The following ATIC variants were observed in gnomAD, a reference collection of about 807,000 sequenced individuals.
ATIC encodes the protein 5-aminoimidazole-4-carboxamide ribonucleotide formyltransferase/IMP cyclohydrolase, also known as bifunctional purine biosynthesis protein ATIC.
ATIC carries 64 observed loss-of-function variants against 72.5 expected under a neutral mutation model. The ratio of observed to expected loss-of-function variants is 0.88; its 90% CI spans 0.72 to 1.09. ATIC has a LOEUF of 1.09. Among genes scored for constraint, ATIC ranks in the 50% least tolerant of loss-of-function variants. The pLI is 0.00. For missense variants in ATIC, 787 were observed against 732.4 expected (o/e 1.07, Z -0.86); for synonymous variants, 281 against 267.1 (o/e 1.05, Z -0.51).
downstream of ATIC, among the ~76,000 whole-genome samples, chr2:215,353,183 A>G (rs1010763130): frequency 4.6e-5 from 7 of 152,098 alleles, no homozygotes; most frequent in South Asian, 6.2e-4. Flanking sequence ...CGCTCAGCCT[A>G]TTTGTATTCA....
chr2:215,347,302 G>A (rs1428134168), intron 14 of ATIC: 12 of 380,618 alleles, frequency 3.2e-5, no homozygotes, highest in Admixed American at 7.5e-5. Context: ...CTTGCTGTCC[G>A]ATGGGTCTGT....
intron 13 of ATIC, among the ~76,000 whole-genome samples, chr2:215,346,166 A>ATTTT (rs1220942529): frequency 6.6e-6 from 1 of 151,782 alleles, no homozygotes; most frequent in Non-Finnish European, 1.5e-5. Context: ...TTATTTATTT[A>ATTTT]TTTATTTTTT....
At chr2:215,366,465 TAAAAC>T in the ATIC span, among the ~76,000 whole-genome samples, 13 of 152,022 alleles carry the variant, frequency 8.6e-5, no homozygotes, top group African/African-American at 3.1e-4. Flanking sequence ...CCGGATAAAA[TAAAAC>T]AAAAGCAAAC....
In ATIC at chr2:215,313,375, A is replaced by G. The variant is rs559699579; in HGVS notation, c.146+751A>G. On this transcript the variant is annotated intron_variant, in intron 2 of 15. Transcript: ENST00000236959. Reference sequence around the variant, plus strand: ...GTGCAAATCATTCATTCCCACGTTCACAAGCCCTTCATTAGCTGACTAGGC... The same window carrying G: ...GTGCAAATCATTCATTCCCACGTTCGCAAGCCCTTCATTAGCTGACTAGGC... Among the ~76,000 whole-genome samples the G allele has an allele frequency of 2.0e-5, 3 of 152,308 alleles. No homozygotes were observed. In the South Asian group the frequency reaches 6.2e-4, roughly 32 times the overall value.
At chr2:215,365,810 T>TA in the ATIC span, 1,702 of 210,272 alleles carry the variant, frequency 8.1e-3, 6 homozygotes, top group African/African-American at 0.022. Flanking sequence ...CTTTTTATTT[T>TA]TTTTTTTTTT....
downstream of ATIC, among the ~76,000 whole-genome samples, chr2:215,354,103 C>A (rs1244826612): frequency 6.6e-6 from 1 of 152,032 alleles, no homozygotes; most frequent in South Asian, 2.1e-4. Flanking sequence ...TCTCCACTCA[C>A]CACAGCCTCT....
chr2:215,364,992 A>G, the ATIC span: 2 of 1,530,878 alleles, frequency 1.3e-6, no homozygotes, highest in East Asian at 2.3e-5. Flanking sequence ...TCATCTGCAT[A>G]TAGACACAAG....
Position 215,325,989 on chromosome 2 carries a change from G to T in ATIC, c.382G>T (p.Gly128Ter). 1 of 1,614,076 alleles carries T rather than the reference G, an allele frequency of 6.2e-7. No homozygotes were observed. The highest frequency in any genetic ancestry group is 1.1e-5 in the South Asian group (1 of 91,070). Residue 128 changes from glycine to a stop codon, truncating the protein, a stop_gained and splice_region_variant, in exon 6 of 16, where the codon GGA becomes TGA. Transcript: ENST00000236959. LOFTEE classifies it high-confidence loss of function. Reference protein sequence around the residue: ...EEAVEQIDIGGVTLLRAAAKN... With the variant: ...EEAVEQIDIG Reference sequence around the variant, plus strand: ...AATAAGTCTTTTGTTCTTCAAAGGTGGAGTAACCTTACTGAGAGCTGCAGC... The same window carrying T: ...AATAAGTCTTTTGTTCTTCAAAGGTTGAGTAACCTTACTGAGAGCTGCAGC...
chr2:215,317,077 T>A (rs899731657), intron 2 of ATIC, among the ~76,000 whole-genome samples: 12 of 152,166 alleles, frequency 7.9e-5, no homozygotes, highest in Admixed American at 6.5e-4. Flanking sequence ...CTTTATTTTT[T>A]CTTATATATT....
At chr2:215,350,996 A>G (rs2053126533), downstream of ATIC, among the ~76,000 whole-genome samples, 1 of 152,238 alleles carries the variant, frequency 6.6e-6, no homozygotes, top group African/African-American at 2.4e-5. Flanking sequence ...ACCTGCCCAC[A>G]TTGAAACAAG....
At chr2:215,358,376 A>G in the ATIC span, among the ~76,000 whole-genome samples, 3 of 151,990 alleles carry the variant, frequency 2.0e-5, no homozygotes, top group African/African-American at 4.8e-5. Flanking sequence ...TGCCTTTTCA[A>G]TCTTGCCCGC....
At chr2:215,319,426 C>G (rs1205206380) in intron 3 of ATIC, among the ~76,000 whole-genome samples, 1 of 151,930 alleles carries the variant, frequency 6.6e-6, no homozygotes, top group Non-Finnish European at 1.5e-5. Flanking sequence ...TCCTGTAGTC[C>G]CAGCTACTTG....
intron 12 of ATIC, among the ~76,000 whole-genome samples, chr2:215,343,769 A>G (rs987102294): frequency 1.3e-5 from 2 of 152,218 alleles, no homozygotes; most frequent in African/African-American, 2.4e-5. Flanking sequence ...TTACAGAGGA[A>G]AAGTTCTTAA....
At chr2:215,341,789 G>A (rs1211295142) in intron 12 of ATIC, among the ~76,000 whole-genome samples, 5 of 152,052 alleles carry the variant, frequency 3.3e-5, no homozygotes, top group African/African-American at 1.2e-4. Context: ...GGCATTTCTC[G>A]TATGCCTTGA....
At chr2:215,312,219 C>T in intron 1 of ATIC, 58 bp downstream of exon 1, 2 of 1,463,376 alleles carry the variant, frequency 1.4e-6, no homozygotes, top group South Asian at 1.4e-5. Context: ...CCCACGCTCC[C>T]GCCTTGGCGG....
chr2:215,315,927 C>T (rs950040423), intron 2 of ATIC, among the ~76,000 whole-genome samples: 10 of 151,646 alleles, frequency 6.6e-5, no homozygotes, highest in Admixed American at 5.9e-4. Flanking sequence ...TACACTCCAG[C>T]CTGGATGACA....
chr2:215,362,423 T>A, the ATIC span: 1 of 304,704 alleles, frequency 3.3e-6, no homozygotes. Flanking sequence ...TTTCAAAGAA[T>A]CCTAGCGATT....
At chr2:215,348,233 T>C (rs760785857) in intron 14 of ATIC, among the ~76,000 whole-genome samples, 6 of 152,226 alleles carry the variant, frequency 3.9e-5, no homozygotes, top group African/African-American at 1.4e-4. Context: ...GAATTGTGTT[T>C]TGTCTACAAC....
chr2:215,327,886 T>C (rs1402359915), intron 7 of ATIC, among the ~76,000 whole-genome samples: 1 of 41,514 alleles, frequency 2.4e-5, no homozygotes, highest in African/African-American at 9.8e-5. Context: ...CTGCCTCAGA[T>C]AGATTTTTTT....
Sources: allele counts gnomAD v4.1 joint callset (sites outside exome capture counted in the v4.1 genomes callset), GRCh38; gene constraint gnomAD v4.1.1; transcripts MANE v1.5; gene names NCBI Gene and HGNC (gene_info 2026-07-23, HGNC 2026-07-21).